PLXNA2: variants seen among roughly 807,000 people sequenced by gnomAD.
PLXNA2 encodes the protein plexin A2.
PLXNA2 carries 91 observed loss-of-function variants against 193.5 expected under a neutral mutation model. The observed-to-expected ratio is 0.47, with a 90% CI of 0.40 to 0.56. The LOEUF is 0.56. Ranked by LOEUF, PLXNA2 falls within the 20% of genes least tolerant of loss-of-function variation. The probability of loss-of-function intolerance (pLI) is 0.00; values close to 1 mark genes in which losing one functional copy is unlikely to be tolerated. For synonymous variants in PLXNA2, 997 were observed against 1,027.3 expected, an observed-to-expected ratio of 0.97 and a Z score of 0.56; for missense variants, 1,995 against 2,503.2, an observed-to-expected ratio of 0.80 and a Z score of 4.33.
chr1:208,139,999 C>G (rs1046079087), intron 4 of PLXNA2, among the ~76,000 whole-genome samples: 1 of 152,180 alleles, frequency 6.6e-6, no homozygotes, highest in Non-Finnish European at 1.5e-5. Context: ...AGGGAGCTCC[C>G]CCTACTAATA....
rs1666379248 is a variant in PLXNA2 at position 208,082,492 on chromosome 1, A to G, written c.2315T>C (p.Met772Thr). The change falls in exon 11 of 32, where the codon ATG (methionine) becomes ACG (threonine). Residue 772 changes from methionine (M) to threonine (T), a missense_variant. Met to Thr is a moderately conservative substitution (Grantham distance 81). Around this residue, in one of 3 missense-constraint regions of PLXNA2, gnomAD observed 1,291 missense variants for 1,673.6 expected, o/e 0.77. Transcript: ENST00000367033. The surrounding 1 kb of genome is among the most constrained non-coding windows in gnomAD (Gnocchi z 4.2). ...ATCCACGGCCAGATTGCTGATGTCC[A>G]TGCCATCATACTGGTACTATAGGGA... ...CQNSSYQYDG[M>T]DISNLAVDFA... 1 of 1,613,906 alleles carries G rather than the reference A, an allele frequency of 6.2e-7. No homozygotes were observed. The highest frequency in any genetic ancestry group is 1.7e-5 in the Admixed American group (1 of 60,022).
chr1:208,191,431 G>T (rs377657558), intron 3 of PLXNA2, among the ~76,000 whole-genome samples: 1 of 152,026 alleles, frequency 6.6e-6, no homozygotes, highest in African/African-American at 2.4e-5. Flanking sequence ...TCCTAAAATC[G>T]TGGCGCGTAC....
chr1:208,096,763 G>T lies in PLXNA2; in HGVS notation c.1852C>A (p.Pro618Thr). ...GSQVICISPG[P>T]KDVPVIPLDQ... is the part of the protein sequence containing the mutation. ...AGCGGGATGACAGGGACATCCTTGG[G>T]CCCAGGTGAGATGCAGATGACCTGG... The change falls in exon 7 of 32, where the codon CCC (proline) becomes ACC (threonine). Residue 618 changes from proline (P) to threonine (T), a missense_variant. By Grantham distance (38) the Pro-to-Thr change is conservative. This residue lies in a region of PLXNA2 where 702 missense variants were observed against 812.9 expected (regional missense o/e 0.86). Transcript: ENST00000367033. 6.2e-7 allele frequency: 1 copy of T among 1,614,080 alleles called. No individual in the cohort carries two copies.
intron 3 of PLXNA2, among the ~76,000 whole-genome samples, chr1:208,183,745 G>A (rs1284106306): frequency 1.3e-5 from 2 of 152,068 alleles, no homozygotes; most frequent in African/African-American, 2.4e-5. Flanking sequence ...TTTATTCTGG[G>A]GCAGATGAAA....
chr1:208,224,152 G>C (rs571057396), intron 1 of PLXNA2, among the ~76,000 whole-genome samples: 1 of 152,176 alleles, frequency 6.6e-6, no homozygotes, highest in Non-Finnish European at 1.5e-5. Flanking sequence ...GAGGGCGAAC[G>C]CAAAAGCCCC....
At chr1:208,204,533 C>G (rs921199493) in intron 3 of PLXNA2, among the ~76,000 whole-genome samples, 1 of 152,238 alleles carries the variant, frequency 6.6e-6, no homozygotes, top group Admixed American at 6.5e-5. Context: ...CCTCCTCCTC[C>G]CCTCACTGAC....
intron 12 of PLXNA2, among the ~76,000 whole-genome samples, chr1:208,072,376 C>A (rs1299543145): frequency 6.6e-6 from 1 of 152,190 alleles, no homozygotes; most frequent in African/African-American, 2.4e-5. Flanking sequence ...CAGTCATGTT[C>A]TTTCACATCT....
chr1:208,126,305 G>A (rs1667976097), intron 4 of PLXNA2, among the ~76,000 whole-genome samples: 1 of 152,140 alleles, frequency 6.6e-6, no homozygotes, highest in South Asian at 2.1e-4. Context: ...TCCCCCATGA[G>A]GAAACCACAG....
At chr1:208,062,084 G>A (rs1665638866) in intron 12 of PLXNA2, among the ~76,000 whole-genome samples, 1 of 152,108 alleles carries the variant, frequency 6.6e-6, no homozygotes, top group Non-Finnish European at 1.5e-5. Context: ...AAAAAAAAGG[G>A]GACTTGATGA....
chr1:208,096,140 A>G lies in PLXNA2; in HGVS notation c.1886-15T>C. The G allele has an allele frequency of 1.2e-6, 2 of 1,603,330 alleles. No individual in the cohort carries two copies. The highest frequency in any genetic ancestry group is 1.7e-6 in the Non-Finnish European group (2 of 1,170,286). On this transcript the variant is annotated splice_polypyrimidine_tract_variant and intron_variant, in intron 7 of 31. Coordinates refer to ENST00000367033, the MANE Select transcript of PLXNA2 (RefSeq NM_025179.4). ...CCCAAACCAGTCTGGAAAAACAAAC[A>G]AAAAAGGATGGGGTTGGGTAACAAC...
intron 1 of PLXNA2, among the ~76,000 whole-genome samples, chr1:208,237,325 G>A (rs955461997): frequency 1.3e-5 from 2 of 152,162 alleles, no homozygotes; most frequent in African/African-American, 4.8e-5. Context: ...ATTCAGATAA[G>A]AGTAGATGCA....
chr1:208,031,847 G>A, intron 28 of PLXNA2, 88 bp from the exon 29 acceptor site: 5 of 1,324,072 alleles, frequency 3.8e-6, no homozygotes, highest in Non-Finnish European at 4.1e-6. Flanking sequence ...GACCCATCCT[G>A]CCTTGGAAAT....
At chr1:208,104,269 C>T (rs955116643) in intron 4 of PLXNA2, among the ~76,000 whole-genome samples, 12 of 152,330 alleles carry the variant, frequency 7.9e-5, no homozygotes, top group Admixed American at 1.3e-4. Flanking sequence ...GACATCTCCA[C>T]GGCATCCTCC....
intron 1 of PLXNA2, among the ~76,000 whole-genome samples, chr1:208,232,979 A>G (rs1456405199): frequency 6.6e-6 from 1 of 152,232 alleles, no homozygotes; most frequent in Admixed American, 6.5e-5. Flanking sequence ...GCTATCAGCT[A>G]CGATACCTTT....
chr1:208,059,308 C>T (rs1198168999), intron 13 of PLXNA2, among the ~76,000 whole-genome samples: 1 of 152,232 alleles, frequency 6.6e-6, no homozygotes, highest in Admixed American at 6.5e-5. Context: ...GTCCTATAGG[C>T]CCAGCCAGCC....
intron 22 of PLXNA2, 90 bp from the exon 23 acceptor site, chr1:208,040,148 C>T (rs966570615): frequency 6.7e-6 from 7 of 1,046,518 alleles, no homozygotes; most frequent in Non-Finnish European, 8.9e-6. Flanking sequence ...CCCAAGAGAA[C>T]AATGGAGCAT....
At chr1:208,145,839 A>C (rs537434941) in intron 3 of PLXNA2, among the ~76,000 whole-genome samples, 1 of 152,232 alleles carries the variant, frequency 6.6e-6, no homozygotes, top group African/African-American at 2.4e-5. Context: ...CAAATGTCAG[A>C]GGTAAAACCA....
Position 208,039,571 on chromosome 1 carries a change from G to C in PLXNA2, c.4500+50C>G, listed in dbSNP as rs201518984. ...TTTATGGACAGAAGGCAGAGCAAGG[G>C]GCAGAAGTAGAAGATACACAGGCGG... On this transcript the variant is annotated intron_variant, in intron 24 of 31. Coordinates refer to ENST00000367033, the MANE Select transcript of PLXNA2 (RefSeq NM_025179.4). The C allele has an allele frequency of 8.8e-5, 142 of 1,609,056 alleles. 1 individual carries two copies. Among genetic ancestry groups the C allele is most frequent in the African/African-American group, 2.7e-5 (2 of 74,788 alleles).
intron 4 of PLXNA2, among the ~76,000 whole-genome samples, chr1:208,132,380 A>G (rs1668184325): frequency 6.6e-6 from 1 of 152,202 alleles, no homozygotes; most frequent in African/African-American, 2.4e-5. Context: ...GCGCTGTCTC[A>G]GGAAGCTGAA....
Sources: gnomAD v4.1 joint callset for allele counts (sites outside exome capture counted in the v4.1 genomes callset) on GRCh38, gnomAD v4.1.1 for gene constraint, gnomAD v4.1.1 regional missense constraint, Gnocchi (gnomAD v3.1) non-coding constraint, MANE v1.5 for transcripts, NCBI Gene and HGNC (gene_info 2026-07-23, HGNC 2026-07-21) for gene names.